The following DMD variants were observed in gnomAD, a reference collection of about 807,000 sequenced individuals.
The protein encoded by DMD is dystrophin.
Under a neutral mutation model 330.1 loss-of-function variants are expected in DMD, and 63 were observed. The observed-to-expected ratio is 0.19, with a 90% CI of 0.16 to 0.24. The LOEUF is 0.24. Among genes scored for constraint, DMD ranks in the 10% least tolerant of loss-of-function variants. The pLI is 1.00. For missense variants in DMD, 3,344 were observed against 2,684.1 expected (o/e 1.25, Z -5.43); for synonymous variants, 1,223 against 959.8 (o/e 1.27, Z -5.07).
intron 43 of DMD, among the ~76,000 whole-genome samples, chrX:32,229,681 C>CATATATATATAT (rs55916475): frequency 1.0e-3 from 25 of 24,332 alleles, no homozygotes; most frequent in Admixed American, 1.4e-3. Context: ...AGAGTTTCAT[C>CATATATATATAT]ATATATATAT....
intron 7 of DMD, among the ~76,000 whole-genome samples, chrX:32,740,452 AG>A (rs1267288219): frequency 9.0e-6 from 1 of 110,739 alleles, no homozygotes; most frequent in Non-Finnish European, 1.9e-5. Context: ...CTCAGAAAAA[AG>A]GATCATATAT....
chrX:32,856,952 G>A (rs1168805867), intron 2 of DMD, among the ~76,000 whole-genome samples: 7 of 110,664 alleles, frequency 6.3e-5, no homozygotes, highest in African/African-American at 2.3e-4. Flanking sequence ...GCGGGCACCT[G>A]CAGTCCCAGC....
chrX:33,157,305 G>A (rs910422065), intron 1 of DMD, among the ~76,000 whole-genome samples: 4 of 111,099 alleles, frequency 3.6e-5, no homozygotes, highest in Non-Finnish European at 7.5e-5. Flanking sequence ...CACGTCACTC[G>A]GGATAGCCTC....
chrX:32,882,781 G>A (rs2084085761), intron 2 of DMD, among the ~76,000 whole-genome samples: 1 of 111,790 alleles, frequency 8.9e-6, no homozygotes, highest in African/African-American at 3.3e-5. Flanking sequence ...ATAAAATATT[G>A]TCAAAAATCC....
chrX:31,635,984 G>C (rs181198201), intron 54 of DMD, among the ~76,000 whole-genome samples: 8 of 108,206 alleles, frequency 7.4e-5, no homozygotes, highest in Admixed American at 4.8e-4. Flanking sequence ...CTTATAAACT[G>C]TTGGTTATAG....
chrX:33,324,797 G>C (rs1219000854), intron 1 of DMD, among the ~76,000 whole-genome samples: 1 of 111,422 alleles, frequency 9.0e-6, no homozygotes, highest in Non-Finnish European at 1.9e-5. Context: ...TGGCACTATT[G>C]CCTCAAAATG....
intron 48 of DMD, among the ~76,000 whole-genome samples, chrX:31,853,982 C>T (rs1433301349): frequency 1.8e-5 from 2 of 111,687 alleles, no homozygotes; most frequent in South Asian, 3.8e-4. Flanking sequence ...TGGACAGGTG[C>T]TGCAAAGTGA....
intron 7 of DMD, among the ~76,000 whole-genome samples, chrX:32,792,373 A>C (rs1394923889): frequency 8.9e-6 from 1 of 111,742 alleles, no homozygotes; most frequent in East Asian, 2.8e-4. Context: ...AAAGAATACC[A>C]TCACACTATA....
At chrX:32,722,431 CA>C (rs2066425807) in intron 7 of DMD, among the ~76,000 whole-genome samples, 2 of 110,259 alleles carry the variant, frequency 1.8e-5, no homozygotes, top group Admixed American at 9.7e-5. Flanking sequence ...TAGGTATATG[CA>C]AATACTATGC....
intron 13 of DMD, among the ~76,000 whole-genome samples, chrX:32,575,484 G>A (rs149663842): frequency 3.1e-4 from 35 of 111,830 alleles, no homozygotes; most frequent in South Asian, 1.1e-3. Flanking sequence ...AAGCCATAGC[G>A]CTCAAACAGT....
intron 7 of DMD, among the ~76,000 whole-genome samples, chrX:32,726,086 T>C (rs753845366): frequency 9.0e-6 from 1 of 111,455 alleles, no homozygotes; most frequent in African/African-American, 3.2e-5. Context: ...TTATCCAATA[T>C]ATATGTTACA....
At chrX:31,792,338 T>G (rs2091611421) in intron 50 of DMD, among the ~76,000 whole-genome samples, 1 of 112,478 alleles carries the variant, frequency 8.9e-6, no homozygotes, top group Non-Finnish European at 1.9e-5. Flanking sequence ...GTATATCACA[T>G]CATTCTGATT....
intron 9 of DMD, among the ~76,000 whole-genome samples, chrX:32,669,708 T>A (rs908295983): frequency 1.8e-5 from 2 of 111,556 alleles, no homozygotes; most frequent in East Asian, 5.6e-4. Flanking sequence ...AGCATGGCCC[T>A]TTTTGGTTTT....
intron 7 of DMD, among the ~76,000 whole-genome samples, chrX:32,712,440 A>T (rs2065276086): frequency 1.8e-5 from 2 of 111,847 alleles, no homozygotes; most frequent in South Asian, 7.4e-4. Context: ...AATATATGTA[A>T]AATTACATAT....
chrX:33,208,614 A>C (rs2148854529), intron 1 of DMD, among the ~76,000 whole-genome samples: 1 of 111,183 alleles, frequency 9.0e-6, no homozygotes, highest in Non-Finnish European at 1.9e-5. Flanking sequence ...ACAGAAAATT[A>C]TCTTTAAAGA....
chrX:31,815,836 C>G (rs2149406496), intron 50 of DMD, among the ~76,000 whole-genome samples: 1 of 111,698 alleles, frequency 9.0e-6, no homozygotes, highest in African/African-American at 3.3e-5. Context: ...GCCTAGGCAT[C>G]AGAAGGTCTT....
intron 7 of DMD, among the ~76,000 whole-genome samples, chrX:32,708,305 A>G (rs192496837): frequency 2.2e-4 from 24 of 108,559 alleles, no homozygotes; most frequent in Admixed American, 6.9e-4. Context: ...TTTTGAAAAA[A>G]ATATGGTAAA....
At chrX:32,725,704 G>A in intron 7 of DMD, among the ~76,000 whole-genome samples, 1 of 111,244 alleles carries the variant, frequency 9.0e-6, no homozygotes, top group South Asian at 3.7e-4. Context: ...GTACTAGGGG[G>A]TGGAGGTAAG....
intron 60 of DMD, among the ~76,000 whole-genome samples, chrX:31,422,479 G>A (rs1224659291): frequency 8.9e-6 from 1 of 111,796 alleles, no homozygotes; most frequent in Non-Finnish European, 1.9e-5. Flanking sequence ...GAAAAGCATC[G>A]TGGAAATGGG....
Sources: gnomAD v4.1 joint callset for allele counts (sites outside exome capture counted in the v4.1 genomes callset) on GRCh38, gnomAD v4.1.1 for gene constraint, MANE v1.5 for transcripts, NCBI Gene and HGNC (gene_info 2026-07-23, HGNC 2026-07-21) for gene names.